Variants in IQSEC1 observed in about 807,000 individuals in gnomAD.
IQSEC1 encodes IQ motif and Sec7 domain ArfGEF 1.
Under a neutral mutation model 91.0 loss-of-function variants are expected in IQSEC1, and 31 were observed. That is an observed-to-expected ratio of 0.34 (90% CI 0.26 to 0.46). IQSEC1 has a LOEUF of 0.46. Ranked by LOEUF, IQSEC1 falls within the 20% of genes least tolerant of loss-of-function variation. The pLI is 1.00. For synonymous variants in IQSEC1, 699 were observed against 662.6 expected, an observed-to-expected ratio of 1.05 and a Z score of -0.84; for missense variants, 1,388 against 1,575.6, an observed-to-expected ratio of 0.88 and a Z score of 2.02.
At chr3:13,276,795 G>A (rs1232078015) in intron 1 of IQSEC1, among the ~76,000 whole-genome samples, 1 of 152,082 alleles carries the variant, frequency 6.6e-6, no homozygotes, top group Non-Finnish European at 1.5e-5. Context: ...TCCACCCCTC[G>A]GAGGGCAGGA....
At chr3:13,014,396 C>T (rs1476491925) in intron 1 of IQSEC1, among the ~76,000 whole-genome samples, 1 of 152,224 alleles carries the variant, frequency 6.6e-6, no homozygotes, top group Non-Finnish European at 1.5e-5. Context: ...TGTCCCATGT[C>T]ACATGGCTGG....
intron 1 of IQSEC1, among the ~76,000 whole-genome samples, chr3:13,239,807 T>G (rs957198584): frequency 1.3e-5 from 2 of 152,174 alleles, no homozygotes; most frequent in Non-Finnish European, 2.9e-5. Context: ...AGGACCACGT[T>G]GCGAAGAGGC....
At chr3:13,126,190 C>A (rs905007382) in intron 2 of IQSEC1, among the ~76,000 whole-genome samples, 1 of 152,190 alleles carries the variant, frequency 6.6e-6, no homozygotes, top group African/African-American at 2.4e-5. Flanking sequence ...CTCAAACATT[C>A]TCTCATGCCT....
intron 2 of IQSEC1, among the ~76,000 whole-genome samples, chr3:12,939,954 AAC>A (rs917319114): frequency 2.0e-5 from 3 of 152,210 alleles, no homozygotes; most frequent in Non-Finnish European, 4.4e-5. Context: ...ATGGGCACCC[AAC>A]ACAGTGTCTG....
At chr3:12,910,884 C>G (rs1695495531) in intron 10 of IQSEC1, among the ~76,000 whole-genome samples, 1 of 152,098 alleles carries the variant, frequency 6.6e-6, no homozygotes, top group Non-Finnish European at 1.5e-5. Context: ...CTAGGACACT[C>G]CAGGTGGCCC....
intron 2 of IQSEC1, among the ~76,000 whole-genome samples, chr3:13,112,159 A>C (rs1706257546): frequency 6.6e-6 from 1 of 152,196 alleles, no homozygotes; most frequent in Non-Finnish European, 1.5e-5. Context: ...CATTCCTGAC[A>C]TCTGTAACCC....
intron 1 of IQSEC1, among the ~76,000 whole-genome samples, chr3:12,951,622 C>T (rs1380897821): frequency 3.3e-5 from 5 of 152,138 alleles, no homozygotes; most frequent in Admixed American, 6.5e-5. Context: ...CAGCCTGGCA[C>T]GCAGTTCTAG....
chr3:13,258,732 C>A (rs1695332723), intron 1 of IQSEC1, among the ~76,000 whole-genome samples: 1 of 152,096 alleles, frequency 6.6e-6, no homozygotes, highest in South Asian at 2.1e-4. Context: ...AAATCTAGAA[C>A]CCAGAGAAGA....
At chr3:13,021,578 G>A (rs1433875277) in intron 1 of IQSEC1, among the ~76,000 whole-genome samples, 1 of 152,198 alleles carries the variant, frequency 6.6e-6, no homozygotes, top group Non-Finnish European at 1.5e-5. Context: ...CATTAAACCT[G>A]GGCAGCCTGG....
intron 2 of IQSEC1, among the ~76,000 whole-genome samples, chr3:13,121,523 G>T (rs577796896): frequency 1.3e-5 from 2 of 152,282 alleles, no homozygotes; most frequent in East Asian, 3.9e-4. Flanking sequence ...AGCATCACAG[G>T]GACCATCCCT....
chr3:12,929,404 C>T (rs186691931), intron 3 of IQSEC1, among the ~76,000 whole-genome samples: 12 of 152,308 alleles, frequency 7.9e-5, no homozygotes, highest in East Asian at 5.8e-4. Context: ...CCCACCCTGA[C>T]GAGATGGCAT....
At chr3:13,123,242 T>A (rs1171856857) in intron 2 of IQSEC1, among the ~76,000 whole-genome samples, 2 of 152,216 alleles carry the variant, frequency 1.3e-5, no homozygotes, top group East Asian at 3.8e-4. Flanking sequence ...AGGTGTCCAG[T>A]CCAGGGGAGG....
At chr3:13,097,280 C>A (rs768900910) in intron 2 of IQSEC1, among the ~76,000 whole-genome samples, 1 of 152,238 alleles carries the variant, frequency 6.6e-6, no homozygotes, top group South Asian at 2.1e-4. Context: ...GCCTCCCACA[C>A]GATTGGAAGA....
At chr3:13,170,775 T>C (rs1218134755) in intron 1 of IQSEC1, among the ~76,000 whole-genome samples, 2 of 152,178 alleles carry the variant, frequency 1.3e-5, no homozygotes, top group African/African-American at 4.8e-5. Flanking sequence ...AAACAGTATT[T>C]AAAGATGGTC....
At chr3:12,980,965 G>A (rs576792102) in intron 1 of IQSEC1, among the ~76,000 whole-genome samples, 2 of 152,326 alleles carry the variant, frequency 1.3e-5, no homozygotes, top group South Asian at 4.1e-4. Context: ...CTGCACTTTG[G>A]TGAGAGGAGC....
intron 1 of IQSEC1, among the ~76,000 whole-genome samples, chr3:13,185,326 T>C (rs1266245452): frequency 6.6e-6 from 1 of 152,174 alleles, no homozygotes; most frequent in Non-Finnish European, 1.5e-5. Flanking sequence ...GAGAAGTCTT[T>C]GCAACCTCCC....
In IQSEC1 at chr3:12,935,731, TG is replaced by T; in HGVS notation, c.1284del (p.Arg429GlyfsTer90). On this transcript the variant is annotated frameshift_variant, in exon 3 of 14. Transcript: ENST00000613206. LOFTEE classifies it high-confidence loss of function. The surrounding 1 kb of genome is among the most constrained non-coding windows in gnomAD (Gnocchi z 8.0). ...REEPELRPRP[P>X]RPLDSHLAIN... is the part of the protein sequence containing the mutation. ...ATGGCCAAGTGGCTGTCCAGGGGCC[TG>T]GGGGGCCGGGGCCGCAACTCAGGCT... 2 of 1,611,886 alleles carry T rather than the reference TG, an allele frequency of 1.2e-6. No individual in the cohort carries two copies.
intron 1 of IQSEC1, among the ~76,000 whole-genome samples, chr3:12,951,423 G>A (rs1466914243): frequency 6.7e-6 from 1 of 150,188 alleles, no homozygotes. Context: ...CTCCAGCTGG[G>A]CAACAAAGTG....
intron 5 of IQSEC1, 145 bp from the exon 6 acceptor site, chr3:12,920,741 C>G: frequency 1.2e-5 from 10 of 839,210 alleles, no homozygotes; most frequent in Non-Finnish European, 1.9e-5. Context: ...GGAGTTGGCC[C>G]TGACTACTCA....
Sources: allele counts gnomAD v4.1 joint callset (sites outside exome capture counted in the v4.1 genomes callset), GRCh38; gene constraint gnomAD v4.1.1; non-coding constraint Gnocchi (gnomAD v3.1); transcripts MANE v1.5; gene names NCBI Gene and HGNC (gene_info 2026-07-23, HGNC 2026-07-21).